The following UNC13C variants were observed in gnomAD, a reference collection of about 807,000 sequenced individuals.
UNC13C encodes unc-13 homolog C, also known as protein unc-13 homolog C.
Under a neutral mutation model 245.4 loss-of-function variants are expected in UNC13C, and 174 were observed. The observed-to-expected ratio is 0.71, with a 90% CI of 0.63 to 0.80. The LOEUF (loss-of-function observed/expected upper bound fraction) is 0.80, where lower values mean the gene tolerates loss of function less well. UNC13C is among the 30% of genes least tolerant of loss of function. The pLI is 0.00. For synonymous variants in UNC13C, 992 were observed against 895.1 expected (o/e 1.11, Z -1.93); for missense variants, 2,829 against 2,602.9 (o/e 1.09, Z -1.89).
chr15:53,871,984 T>C, the UNC13C span, among the ~76,000 whole-genome samples: 19 of 152,328 alleles, frequency 1.2e-4, no homozygotes, highest in African/African-American at 4.1e-4. Context: ...AGTGTGTGTA[T>C]GGAGATGATG....
intron 2 of UNC13C, among the ~76,000 whole-genome samples, chr15:54,132,308 G>C (rs1595892400): frequency 6.6e-6 from 1 of 152,058 alleles, no homozygotes; most frequent in African/African-American, 2.4e-5. Flanking sequence ...CTGACCTCGT[G>C]ATCTGCCTGC....
the UNC13C span, among the ~76,000 whole-genome samples, chr15:53,964,276 A>G: frequency 6.6e-6 from 1 of 152,152 alleles, no homozygotes; most frequent in Non-Finnish European, 1.5e-5. Flanking sequence ...AGAATTAACA[A>G]TTTTGCAGAG....
chr15:54,151,827 C>T (rs989209255), intron 4 of UNC13C, among the ~76,000 whole-genome samples: 3 of 144,076 alleles, frequency 2.1e-5, no homozygotes, highest in Non-Finnish European at 4.6e-5. Context: ...GGCGCTGGAG[C>T]GTTCCATAAT....
chr15:53,980,189 C>A (rs576272894), intron 1 of UNC13C, among the ~76,000 whole-genome samples: 11 of 152,220 alleles, frequency 7.2e-5, no homozygotes, highest in African/African-American at 2.6e-4. Flanking sequence ...AAACTATAAA[C>A]CTCATTTTTG....
chr15:54,411,437 T>C (rs1458675493), intron 18 of UNC13C, among the ~76,000 whole-genome samples: 3 of 152,236 alleles, frequency 2.0e-5, no homozygotes, highest in African/African-American at 4.8e-5. Context: ...AAGGATTTTC[T>C]ACTATGTTTT....
chr15:53,912,905 C>T, the UNC13C span: 2 of 152,228 alleles, frequency 1.3e-5, no homozygotes, highest in African/African-American at 4.8e-5. Flanking sequence ...AATAAAGCAA[C>T]ATCCCCTCTG....
At chr15:54,629,723 AATAC>A (rs1901408700), downstream of UNC13C, 1 of 145,768 alleles carries the variant, frequency 6.9e-6, no homozygotes, top group African/African-American at 2.5e-5. Flanking sequence ...TTAATGTCAT[AATAC>A]ATGATACATT....
the UNC13C span, among the ~76,000 whole-genome samples, chr15:53,934,665 A>C: frequency 1.3e-5 from 2 of 152,306 alleles, no homozygotes; most frequent in East Asian, 3.9e-4. Flanking sequence ...AATACCATAG[A>C]ATAGGTGCTT....
chr15:54,537,758 G>A (rs1896048979), intron 26 of UNC13C, among the ~76,000 whole-genome samples: 1 of 151,738 alleles, frequency 6.6e-6, no homozygotes, highest in African/African-American at 2.4e-5. Context: ...TCAACAAATG[G>A]TGTTGTTAGA....
intron 17 of UNC13C, among the ~76,000 whole-genome samples, chr15:54,357,313 A>C (rs1416635477): frequency 6.6e-6 from 1 of 152,088 alleles, no homozygotes; most frequent in African/African-American, 2.4e-5. Flanking sequence ...AGCAGAATCA[A>C]ATCAACAAAT....
intron 1 of UNC13C, among the ~76,000 whole-genome samples, chr15:53,987,893 A>G (rs1440693331): frequency 2.0e-5 from 3 of 152,024 alleles, no homozygotes; most frequent in Non-Finnish European, 1.5e-5. Flanking sequence ...TCTATAAAAC[A>G]TTTGGCATCT....
intron 1 of UNC13C, among the ~76,000 whole-genome samples, chr15:53,985,622 T>C (rs1894105924): frequency 6.6e-6 from 1 of 151,992 alleles, no homozygotes; most frequent in South Asian, 2.1e-4. Flanking sequence ...GGATCTAGTG[T>C]ACATGTAGCT....
chr15:54,553,777 G>A (rs1421177104), intron 28 of UNC13C, among the ~76,000 whole-genome samples: 4 of 151,468 alleles, frequency 2.6e-5, no homozygotes, highest in African/African-American at 9.7e-5. Context: ...TAGCACCAGC[G>A]TATATCACTT....
chr15:54,530,692 A>G lies in UNC13C; in HGVS notation c.5547-2225A>G, dbSNP rs149804508. Among the ~76,000 whole-genome samples the G allele has an allele frequency of 5.9e-3, 903 of 152,270 alleles. 4 individuals carry two copies. The highest frequency in any genetic ancestry group is 0.021 in the African/African-American group (854 of 41,586). ...AAATTAACGAGGGACCAAGAGAGCC[A>G]TGAGAATTTCCTTCCATGGCAGAGG... On this transcript the variant is annotated intron_variant, in intron 25 of 32. Coordinates refer to ENST00000260323, the MANE Select transcript of UNC13C (RefSeq NM_001080534.3).
chr15:54,033,161 TAA>T (rs1896433660), intron 2 of UNC13C, among the ~76,000 whole-genome samples: 1 of 152,104 alleles, frequency 6.6e-6, no homozygotes, highest in Admixed American at 6.6e-5. Flanking sequence ...GATGTTCCTT[TAA>T]TAATGGCATA....
At chr15:54,242,350 C>A (rs1028552312) in intron 7 of UNC13C, among the ~76,000 whole-genome samples, 2 of 152,078 alleles carry the variant, frequency 1.3e-5, no homozygotes, top group African/African-American at 4.8e-5. Flanking sequence ...CCTAAGCATT[C>A]ATTCTTGAGT....
At chr15:54,303,715 G>T (rs554238388) in intron 13 of UNC13C, among the ~76,000 whole-genome samples, 11 of 151,026 alleles carry the variant, frequency 7.3e-5, no homozygotes, top group Admixed American at 2.0e-4. Flanking sequence ...AGTTCCTGAC[G>T]ACATGTGCCC....
intron 19 of UNC13C, among the ~76,000 whole-genome samples, chr15:54,422,265 C>G (rs2040660491): frequency 6.6e-6 from 1 of 152,012 alleles, no homozygotes; most frequent in Non-Finnish European, 1.5e-5. Flanking sequence ...ACACTTCTCT[C>G]CATCTCTACT....
chr15:53,869,839 G>C, the UNC13C span, among the ~76,000 whole-genome samples: 47 of 152,318 alleles, frequency 3.1e-4, no homozygotes, highest in Admixed American at 1.6e-3. Context: ...CCAGAGTAGA[G>C]AGAAATTATG....
Sources: allele counts gnomAD v4.1 joint callset (sites outside exome capture counted in the v4.1 genomes callset), GRCh38; gene constraint gnomAD v4.1.1; transcripts MANE v1.5; gene names NCBI Gene and HGNC (gene_info 2026-07-23, HGNC 2026-07-21).